Variants in EVI5 observed in about 807,000 individuals in gnomAD.
EVI5 encodes the protein ecotropic viral integration site 5 protein homolog.
A neutral mutation model predicts 112.0 loss-of-function variants in EVI5; 73 were observed. That is an observed-to-expected ratio of 0.65 (90% CI 0.54 to 0.79). The LOEUF (loss-of-function observed/expected upper bound fraction) is 0.79, where lower values mean the gene tolerates loss of function less well. Among genes scored for constraint, EVI5 ranks in the 30% least tolerant of loss-of-function variants. The probability of loss-of-function intolerance (pLI) is 0.00; values close to 1 mark genes in which losing one functional copy is unlikely to be tolerated. For missense variants in EVI5, 900 were observed against 968.8 expected (o/e 0.93, Z 0.94); for synonymous variants, 305 against 319.9 (o/e 0.95, Z 0.50).
chr1:92,720,749 T>A (rs1356191133), intron 2 of EVI5, among the ~76,000 whole-genome samples: 1 of 151,970 alleles, frequency 6.6e-6, no homozygotes, highest in Non-Finnish European at 1.5e-5. Context: ...ACCTACAGAA[T>A]GGGAAAAAAT....
At chr1:92,652,106 C>T (rs1007585928) in intron 13 of EVI5, among the ~76,000 whole-genome samples, 1 of 152,084 alleles carries the variant, frequency 6.6e-6, no homozygotes, top group East Asian at 1.9e-4. Context: ...AAATGTCCAT[C>T]AACAAACAAA....
chr1:92,669,016 T>A (rs1156468560), intron 10 of EVI5, among the ~76,000 whole-genome samples: 5 of 152,330 alleles, frequency 3.3e-5, no homozygotes, highest in Admixed American at 6.5e-5. Context: ...TGACATTCAA[T>A]GTTTTAGAAT....
intron 1 of EVI5, among the ~76,000 whole-genome samples, chr1:92,769,774 C>T (rs940073246): frequency 1.3e-5 from 2 of 152,080 alleles, no homozygotes; most frequent in African/African-American, 4.8e-5. Context: ...GTACTCCCAG[C>T]TACTCAGGAG....
At chr1:92,756,889 T>C (rs1264152368) in intron 1 of EVI5, 3 of 417,016 alleles carry the variant, frequency 7.2e-6, no homozygotes, top group African/African-American at 2.0e-5. Context: ...CCTGTCTGAA[T>C]GTTTCTTATA....
intron 3 of EVI5, among the ~76,000 whole-genome samples, 165 bp downstream of exon 3, chr1:92,704,390 C>A (rs534654937): frequency 6.6e-6 from 1 of 152,086 alleles, no homozygotes; most frequent in African/African-American, 2.4e-5. Flanking sequence ...CTGATGTCTA[C>A]AAATTAAAAC....
At chr1:92,557,588 C>T (rs749252192) in intron 19 of EVI5, among the ~76,000 whole-genome samples, 5 of 152,100 alleles carry the variant, frequency 3.3e-5, no homozygotes, top group African/African-American at 9.7e-5. Context: ...CATGAGCCAC[C>T]ATGAAGGGCT....
chr1:92,560,601 G>C (rs908017646), intron 19 of EVI5, among the ~76,000 whole-genome samples: 1 of 152,056 alleles, frequency 6.6e-6, no homozygotes. Flanking sequence ...CCAGGCTGGA[G>C]TGCAGTGGTG....
chr1:92,628,736 C>G lies in EVI5; in HGVS notation c.1528-2802G>C, dbSNP rs570912029. ...CTGAGGTAACACTGAGATTTCAAGG[C>G]CTGATTCTATGAAATTTTCTATCTC... is the stretch of plus-strand genomic sequence containing the variant. On this transcript the variant is annotated intron_variant, in intron 14 of 19. Transcript: ENST00000684568. 2.6e-5 allele frequency among the ~76,000 whole-genome samples: 4 copies of G among 152,232 alleles called. No homozygotes were observed. In the South Asian group the frequency reaches 6.2e-4, roughly 24 times the overall value.
At chr1:92,551,888 C>T (rs571019397) in intron 19 of EVI5, among the ~76,000 whole-genome samples, 15 of 152,172 alleles carry the variant, frequency 9.9e-5, no homozygotes, top group Non-Finnish European at 2.1e-4. Flanking sequence ...CACTTGACTT[C>T]CAGTTTCCCT....
intron 18 of EVI5, among the ~76,000 whole-genome samples, chr1:92,595,211 T>C (rs1647393445): frequency 6.6e-6 from 1 of 151,916 alleles, no homozygotes; most frequent in Non-Finnish European, 1.5e-5. Context: ...GTGGCACATA[T>C]ATACCATGGA....
intron 16 of EVI5, among the ~76,000 whole-genome samples, chr1:92,616,853 C>A (rs1653301342): frequency 6.6e-6 from 1 of 152,122 alleles, no homozygotes; most frequent in Non-Finnish European, 1.5e-5. Context: ...TGCTTTCTGA[C>A]CCATCTAGCC....
At chr1:92,540,306 C>T (rs1664587269) in intron 19 of EVI5, among the ~76,000 whole-genome samples, 1 of 152,166 alleles carries the variant, frequency 6.6e-6, no homozygotes, top group Non-Finnish European at 1.5e-5. Context: ...TTTCTATCAG[C>T]TGTGTATGAG....
chr1:92,617,542 G>A lies in EVI5; in HGVS notation c.1827+6634C>T, dbSNP rs181490679. Among the ~76,000 whole-genome samples, 353 of 152,258 alleles carry A rather than the reference G, an allele frequency of 2.3e-3. 1 individual carries two copies. Among genetic ancestry groups the A allele is most frequent in the Non-Finnish European group, 2.7e-3 (181 of 68,008 alleles). ...CAGCCTCTTTTCCAAGCCACCCATCGTCGCCCAATAAGCCCATGAACAAAG... is the reference window on the plus strand; with the variant it reads ...CAGCCTCTTTTCCAAGCCACCCATCATCGCCCAATAAGCCCATGAACAAAG... On this transcript the variant is annotated intron_variant, in intron 16 of 19. Transcript: ENST00000684568.
At chr1:92,613,594 A>T (rs970142929) in intron 16 of EVI5, among the ~76,000 whole-genome samples, 1 of 150,944 alleles carries the variant, frequency 6.6e-6, no homozygotes, top group Non-Finnish European at 1.5e-5. Context: ...CCAGCCATTT[A>T]TTTTTTTTTA....
intron 1 of EVI5, among the ~76,000 whole-genome samples, chr1:92,761,447 A>G (rs1415210018): frequency 6.6e-6 from 1 of 152,212 alleles, no homozygotes; most frequent in Non-Finnish European, 1.5e-5. Context: ...AGTACATCCT[A>G]AAATGTTTGC....
chr1:92,787,249 C>T (rs549944630), upstream of EVI5, among the ~76,000 whole-genome samples: 2 of 152,126 alleles, frequency 1.3e-5, no homozygotes, highest in Non-Finnish European at 2.9e-5. Context: ...CACCATCTGA[C>T]ATTTGGAATC....
At chr1:92,629,561 G>A (rs887288080) in intron 14 of EVI5, among the ~76,000 whole-genome samples, 10 of 152,176 alleles carry the variant, frequency 6.6e-5, no homozygotes, top group African/African-American at 2.4e-4. Context: ...GTTAGCTTCT[G>A]TAAGTACATT....
rs866371097 is a variant in EVI5 at position 92,686,340 on chromosome 1, G to T, written c.1097+7462C>A. ...GATGCAGAAAAGGCCTTTGACAAAAGTCAACAGCCTTCATGCTAAAAACTC... is the reference window on the plus strand; with the variant it reads ...GATGCAGAAAAGGCCTTTGACAAAATTCAACAGCCTTCATGCTAAAAACTC... On this transcript the variant is annotated intron_variant, in intron 9 of 19. Transcript: ENST00000684568. 1.1e-4 allele frequency among the ~76,000 whole-genome samples: 17 copies of T among 152,136 alleles called. No homozygotes were observed. The South Asian group carries it at 1.2e-3, about 11-fold the overall frequency.
At chr1:92,768,307 A>T (rs1336065595) in intron 1 of EVI5, among the ~76,000 whole-genome samples, 1 of 151,972 alleles carries the variant, frequency 6.6e-6, no homozygotes, top group East Asian at 1.9e-4. Context: ...TACACAATAA[A>T]AGACTTTCAG....
Sources: gnomAD v4.1 joint callset for allele counts (sites outside exome capture counted in the v4.1 genomes callset) on GRCh38, gnomAD v4.1.1 for gene constraint, MANE v1.5 for transcripts, NCBI Gene and HGNC (gene_info 2026-07-23, HGNC 2026-07-21) for gene names.